CEACAM8: variants seen among roughly 807,000 people sequenced by gnomAD.
The protein encoded by CEACAM8 is CEA cell adhesion molecule 8.
CEACAM8 carries 31 observed loss-of-function variants against 33.4 expected under a neutral mutation model. That is an observed-to-expected ratio of 0.93 (90% confidence interval 0.70 to 1.25). CEACAM8 has a LOEUF of 1.25. Among genes scored for constraint, CEACAM8 ranks in the 50% most tolerant of loss-of-function variants. The pLI is 0.00. For missense variants in CEACAM8, 388 were observed against 434.6 expected, an observed-to-expected ratio of 0.89 and a Z score of 0.95; for synonymous variants, 138 against 164.5, an observed-to-expected ratio of 0.84 and a Z score of 1.23.
At position 42,594,788 on chromosome 19, in the gene CEACAM8, G is replaced by A. The variant is rs774802266; in HGVS notation, c.41C>T (p.Pro14Leu). The change falls in exon 1 of 6, where the codon CCC (proline) becomes CTC (leucine). Residue 14 changes from proline to leucine, a missense_variant. Coordinates refer to ENST00000244336, the MANE Select transcript of CEACAM8 (RefSeq NM_001816.4). ...ISAPSCRWRI[P>L]WQGLLLTASL... ...ACCTGTGAGCAGGAGCCCCTGCCAG[G>A]GGATGCGCCATCTGCAGGAAGGGGC... 5.0e-6 allele frequency: 8 copies of A among 1,611,280 alleles called. No homozygotes were observed. Among genetic ancestry groups the A allele is most frequent in the Non-Finnish European group, 5.1e-6 (6 of 1,178,258 alleles).
At position 42,580,369 on chromosome 19, in the gene CEACAM8, G is replaced by A. The variant is rs1036518616; in HGVS notation, c.*1025C>T. On this transcript the variant is annotated 3_prime_UTR_variant, in exon 6 of 6. Coordinates refer to ENST00000244336, the MANE Select transcript of CEACAM8 (RefSeq NM_001816.4). ...AGAGACCATAGTACATTTGAACAAA[G>A]AGTTGTGTTAAAGATGCTGTTACTG... The A allele has an allele frequency of 2.6e-5, 4 of 152,212 alleles. No homozygotes were observed. Among genetic ancestry groups the A allele is most frequent in the Non-Finnish European group, 5.9e-5 (4 of 68,044 alleles). 9.4% of individuals were successfully genotyped at this position (152,212 alleles called of 1,614,324 possible). A position where few individuals can be genotyped will look rare whatever the true frequency, so the allele number is the denominator to read the frequency against.
chr19:42,592,527 C>T (rs372276446), intron 2 of CEACAM8, among the ~76,000 whole-genome samples: 14 of 140,784 alleles, frequency 9.9e-5, no homozygotes, highest in East Asian at 8.7e-4. Flanking sequence ...CGCTTGAACC[C>T]GGGAGGCAGA....
At position 42,594,759 on chromosome 19, in the gene CEACAM8, C is replaced by T; in HGVS notation, c.64+6G>A. On this transcript the variant is annotated splice_donor_region_variant and intron_variant, in intron 1 of 5. Transcript: ENST00000244336. ...CCTGTCCTTTCCCAGGAAGTCCTCT[C>T]CTCACCTGTGAGCAGGAGCCCCTGC... The T allele has an allele frequency of 1.2e-6, 2 of 1,608,290 alleles. No individual in the cohort carries two copies. Among genetic ancestry groups the T allele is most frequent in the Non-Finnish European group, 1.7e-6 (2 of 1,176,034 alleles).
In CEACAM8 at chr19:42,589,578, G is replaced by A. The variant is rs140368814; in HGVS notation, c.582C>T (p.Ser194=). 4.4e-4 allele frequency: 711 copies of A among 1,614,136 alleles called. 2 individuals carry two copies. In the African/African-American group the frequency reaches 8.4e-3, roughly 19 times the overall value. The change falls in exon 3 of 6, where the codon TCC becomes TCT. Residue 194 remains serine (S), a synonymous_variant. Transcript: ENST00000244336. ...GTAGAGTGAGGGTCCTGTTGCCATT[G>A]GACAGCTGCAGCCTGGGACTGACCG... is the stretch of plus-strand genomic sequence containing the variant. ...SLPVSPRLQL[S]NGNRTLTLLS...
intron 4 of CEACAM8, among the ~76,000 whole-genome samples, chr19:42,585,257 C>T (rs1482558551): frequency 2.0e-5 from 3 of 148,108 alleles, no homozygotes; most frequent in Non-Finnish European, 4.4e-5. Flanking sequence ...TTGATCGCAC[C>T]TCTGCACTCC....
intron 5 of CEACAM8, chr19:42,582,976 G>A (rs2042280738): frequency 2.4e-6 from 1 of 412,436 alleles, no homozygotes; most frequent in Non-Finnish European, 4.3e-6. Flanking sequence ...GACTTTCATA[G>A]TGTATTGAAT....
intron 5 of CEACAM8, among the ~76,000 whole-genome samples, 169 bp from the exon 6 acceptor site, chr19:42,581,522 G>A (rs1441827573): frequency 6.6e-5 from 10 of 152,084 alleles, no homozygotes. Context: ...ACTCATATCG[G>A]TAACATAACC....
At chr19:42,587,585 T>C (rs2042357490) in intron 4 of CEACAM8, among the ~76,000 whole-genome samples, 2 of 151,952 alleles carry the variant, frequency 1.3e-5, no homozygotes, top group Admixed American at 1.3e-4. Context: ...TTGCCAGGGG[T>C]TAGAGGGAGA....
At chr19:42,584,115 CTCTT>C (rs2042296898) in intron 4 of CEACAM8, among the ~76,000 whole-genome samples, 1 of 152,052 alleles carries the variant, frequency 6.6e-6, no homozygotes, top group South Asian at 2.1e-4. Context: ...CTTTTTTTCT[CTCTT>C]TCACGTGTAA....
rs570989080 is a variant in CEACAM8 at position 42,589,914 on chromosome 19, C to T, written c.425-179G>A. On this transcript the variant is annotated intron_variant, in intron 2 of 5. Coordinates refer to ENST00000244336, the MANE Select transcript of CEACAM8 (RefSeq NM_001816.4). ...GATCGGGGCTCAGAGACCATGAGGC[C>T]GCCTTCTCTGTGTGGGAGAAACACA... is the stretch of plus-strand genomic sequence containing the variant. Among the ~76,000 whole-genome samples, 7 of 152,292 alleles carry T rather than the reference C, an allele frequency of 4.6e-5. No individual in the cohort carries two copies. The East Asian group carries it at 5.8e-4, about 13-fold the overall frequency.
At chr19:42,590,470 G>A (rs1316095573) in intron 2 of CEACAM8, among the ~76,000 whole-genome samples, 1 of 152,212 alleles carries the variant, frequency 6.6e-6, no homozygotes, top group African/African-American at 2.4e-5. Context: ...TTTCCCTGCG[G>A]GGGGCAGATG....
rs779658621 is a variant in CEACAM8 at position 42,593,687 on chromosome 19, G to A, written c.278C>T (p.Pro93Leu). ...TATTGTCTCTCGATTGCTGTATGCA[G>A]GCCCTGGGGTAATCTGTTGATTTGA... ...VISNQQITPG[P>L]AYSNRETIYP... The change falls in exon 2 of 6, where the codon CCT (proline) becomes CTT (leucine). Residue 93 changes from proline (P) to leucine (L), a missense_variant. Pro to Leu is a moderately conservative substitution (Grantham distance 98). Transcript: ENST00000244336. 15 of 1,614,018 alleles carry A rather than the reference G, an allele frequency of 9.3e-6. No individual in the cohort carries two copies. In the South Asian group the frequency reaches 1.6e-4, roughly 18 times the overall value.
At chr19:42,592,221 C>T (rs1427520918) in intron 2 of CEACAM8, among the ~76,000 whole-genome samples, 1 of 152,112 alleles carries the variant, frequency 6.6e-6, no homozygotes, top group East Asian at 1.9e-4. Context: ...CCTCATGTGA[C>T]CCTGATCTAT....
intron 4 of CEACAM8, among the ~76,000 whole-genome samples, chr19:42,583,854 G>A (rs2042292638): frequency 6.6e-6 from 1 of 152,144 alleles, no homozygotes; most frequent in Admixed American, 6.5e-5. Flanking sequence ...GTGACTAGTT[G>A]GAGGACGCCC....
Position 42,594,755 on chromosome 19 carries a change from C to G in CEACAM8, c.64+10G>C. Reference sequence around the variant, plus strand: ...TCCTCCTGTCCTTTCCCAGGAAGTCCTCTCCTCACCTGTGAGCAGGAGCCC... The same window carrying G: ...TCCTCCTGTCCTTTCCCAGGAAGTCGTCTCCTCACCTGTGAGCAGGAGCCC... On this transcript the variant is annotated intron_variant, in intron 1 of 5. Transcript: ENST00000244336. 6.2e-7 allele frequency: 1 copy of G among 1,606,318 alleles called. No individual in the cohort carries two copies. The highest frequency in any genetic ancestry group is 1.1e-5 in the South Asian group (1 of 90,980).
chr19:42,584,394 C>T lies in CEACAM8; in HGVS notation c.959-1057G>A, dbSNP rs146074163. 6.2e-3 allele frequency among the ~76,000 whole-genome samples: 951 copies of T among 152,326 alleles called. 8 individuals carry two copies. Among genetic ancestry groups the T allele is most frequent in the Middle Eastern group, 0.02 (6 of 294 alleles). ...ACCTCATTTGATTTATACAATAACT[C>T]TCTTGGGTAGAACATTATTTCCATT... On this transcript the variant is annotated intron_variant, in intron 4 of 5. Coordinates refer to ENST00000244336, the MANE Select transcript of CEACAM8 (RefSeq NM_001816.4).
intron 1 of CEACAM8, among the ~76,000 whole-genome samples, chr19:42,594,536 G>A (rs2042510406): frequency 6.6e-6 from 1 of 152,222 alleles, no homozygotes; most frequent in African/African-American, 2.4e-5. Flanking sequence ...GTAGTGGCCA[G>A]TGATGATTAA....
In CEACAM8 at chr19:42,589,516, C is replaced by T. The variant is rs201059218; in HGVS notation, c.644G>A (p.Cys215Tyr). Residue 215 changes from cysteine to tyrosine, a missense_variant, in exon 3 of 6, where the codon TGT becomes TAT. Transcript: ENST00000244336. The stretch of plus-strand genomic sequence containing the variant: ...TGCACTCGCTGGGTTCTGTATTTCA[C>T]ATTCATAGGGTCCTACGTCATTCCT... ...VTRNDVGPYE[C>Y]EIQNPASANF... 4 of 1,614,120 alleles carry T rather than the reference C, an allele frequency of 2.5e-6. No homozygotes were observed. Among genetic ancestry groups the T allele is most frequent in the South Asian group, 1.1e-5 (1 of 91,088 alleles).
chr19:42,589,874 A>C, intron 2 of CEACAM8, 139 bp from the exon 3 acceptor site: 2 of 1,505,650 alleles, frequency 1.3e-6, no homozygotes, highest in African/African-American at 2.8e-5. Context: ...GTGTGTCACA[A>C]GACAGATGCA....
Sources: allele counts gnomAD v4.1 joint callset (sites outside exome capture counted in the v4.1 genomes callset), GRCh38; gene constraint gnomAD v4.1.1; transcripts MANE v1.5; gene names NCBI Gene and HGNC (gene_info 2026-07-23, HGNC 2026-07-21).